GSK3A: variants seen among roughly 807,000 people sequenced by gnomAD.
GSK3A encodes the protein glycogen synthase kinase 3 alpha.
A neutral mutation model predicts 56.6 loss-of-function variants in GSK3A; 14 were observed. That is an observed-to-expected ratio of 0.25 (90% CI 0.16 to 0.39). GSK3A has a LOEUF of 0.39. Ranked by LOEUF, GSK3A falls within the 10% of genes least tolerant of loss-of-function variation. The pLI, the probability that GSK3A is intolerant of heterozygous loss-of-function variation, is 1.00. For synonymous variants in GSK3A, 301 were observed against 285.0 expected, an observed-to-expected ratio of 1.06 and a Z score of -0.56; for missense variants, 450 against 656.0, an observed-to-expected ratio of 0.69 and a Z score of 3.43.
intron 2 of GSK3A, among the ~76,000 whole-genome samples, chr19:42,238,065 A>G (rs1217224124): frequency 6.6e-6 from 1 of 150,902 alleles, no homozygotes; most frequent in Non-Finnish European, 1.5e-5. Context: ...AATAAAATAA[A>G]AAACAGCTGG....
chr19:42,236,702 G>A lies in GSK3A; in HGVS notation c.570C>T (p.Tyr190=). 1 of 1,613,586 alleles carries A rather than the reference G, an allele frequency of 6.2e-7. No individual in the cohort carries two copies. Among genetic ancestry groups the A allele is most frequent in the Non-Finnish European group, 8.5e-7 (1 of 1,179,540 alleles). The change falls in exon 4 of 11, where the codon TAC becomes TAT. Residue 190 remains tyrosine, a synonymous_variant. Transcript: ENST00000222330. ...GCACATATTCCAGCACCAGATTTAG[G>A]TAAAGCTCGTCTTTCTGCAGGGAGC... ...YSSGEKKDEL[Y]LNLVLEYVPE...
chr19:42,240,188 C>T (rs761572119), intron 1 of GSK3A, 46 bp from the exon 2 acceptor site: 30 of 1,537,996 alleles, frequency 2.0e-5, no homozygotes, highest in African/African-American at 4.1e-5. Flanking sequence ...ATCCTGCCTG[C>T]GCATCACCCT....
rs143355037 is a variant in GSK3A, at chr19:42,231,476, C to A, written c.1378+581G>T. ...AATCTGAATTTTTACATAAAATAGC[C>A]CCATTTTTAAACGTGGACACCATGG... On this transcript the variant is annotated intron_variant, in intron 10 of 10. Transcript: ENST00000222330. Among the ~76,000 whole-genome samples, 882 of 152,020 alleles carry A rather than the reference C, an allele frequency of 5.8e-3. 9 individuals are homozygous for A. The highest frequency in any genetic ancestry group is 0.02 in the African/African-American group (826 of 41,466).
intron 2 of GSK3A, among the ~76,000 whole-genome samples, chr19:42,238,818 A>C (rs2036274419): frequency 6.6e-6 from 1 of 151,844 alleles, no homozygotes; most frequent in African/African-American, 2.4e-5. Context: ...AAAAAAAAAA[A>C]ATTAGCCAGG....
chr19:42,233,576 C>T (rs571425187), intron 6 of GSK3A, among the ~76,000 whole-genome samples, 193 bp from the exon 7 acceptor site: 1 of 152,290 alleles, frequency 6.6e-6, no homozygotes, highest in East Asian at 1.9e-4. Flanking sequence ...ACTCTCTAGT[C>T]TAGGTGTGTT....
intron 8 of GSK3A, 74 bp downstream of exon 8, chr19:42,233,036 G>T: frequency 1.1e-6 from 1 of 916,032 alleles, no homozygotes; most frequent in Non-Finnish European, 1.7e-6. Context: ...CTGAGGCTAG[G>T]TCCACAGAAC....
intron 1 of GSK3A, chr19:42,241,178 G>T (rs769460008): frequency 6.6e-6 from 1 of 151,950 alleles, no homozygotes; most frequent in Non-Finnish European, 1.5e-5. Flanking sequence ...TATATTTTTA[G>T]TAGAGACAGG....
rs1247437897 is a variant in GSK3A, at chr19:42,236,793, G to C, written c.555+65C>G. ...GGAAGGAAGGTATGCAGGGAGCAGTGGGGGAAAGGCAGGCAGGCAGGAAAA... is the reference window on the plus strand; with the variant it reads ...GGAAGGAAGGTATGCAGGGAGCAGTCGGGGAAAGGCAGGCAGGCAGGAAAA... On this transcript the variant is annotated intron_variant, in intron 3 of 10. Transcript: ENST00000222330. The C allele has an allele frequency of 1.1e-5, 16 of 1,484,842 alleles. No individual in the cohort carries two copies. The East Asian group carries it at 2.9e-4, about 27-fold the overall frequency. 92.0% of individuals were successfully genotyped at this position (1,484,842 alleles called of 1,614,324 possible). A position where few individuals can be genotyped will look rare whatever the true frequency, so the allele number is the denominator to read the frequency against.
chr19:42,237,024 C>T (rs1045579380), intron 2 of GSK3A, 83 bp from the exon 3 acceptor site: 1 of 909,760 alleles, frequency 1.1e-6, no homozygotes, highest in Non-Finnish European at 1.8e-6. Context: ...CAACAACAGC[C>T]AGGCAGCTAC....
chr19:42,241,947 G>C (rs536478749), intron 1 of GSK3A: 1 of 390,140 alleles, frequency 2.6e-6, no homozygotes, highest in Non-Finnish European at 4.5e-6. Context: ...TGGAAGAACA[G>C]AGACTTGTAA....
chr19:42,233,701 T>C (rs186478740), intron 6 of GSK3A, among the ~76,000 whole-genome samples: 2 of 152,264 alleles, frequency 1.3e-5, no homozygotes, highest in African/African-American at 4.8e-5. Context: ...CCATGTTCTT[T>C]GGGCCACAGG....
Position 42,233,217 on chromosome 19 carries a change from G to C in GSK3A, c.1003-12C>G, listed in dbSNP as rs760170493. 2 of 1,601,464 alleles carry C rather than the reference G, an allele frequency of 1.2e-6. No individual in the cohort carries two copies. The highest frequency in any genetic ancestry group is 2.2e-5 in the South Asian group (2 of 89,644). On this transcript the variant is annotated splice_polypyrimidine_tract_variant and intron_variant, in intron 7 of 10. Coordinates refer to ENST00000222330, the MANE Select transcript of GSK3A (RefSeq NM_019884.3). ...GGTGTTCCCAGCACCTGTAAAGAGAGGGAGGGGTCTGAGACAAGGGCCCCA... is the reference window on the plus strand; with the variant it reads ...GGTGTTCCCAGCACCTGTAAAGAGACGGAGGGGTCTGAGACAAGGGCCCCA...
rs577294016 is a variant in GSK3A, at chr19:42,234,696, T to C, written c.667-18A>G. 6.5e-7 allele frequency: 1 copy of C among 1,548,796 alleles called. No homozygotes were observed. The highest frequency in any genetic ancestry group is 1.2e-5 in the South Asian group (1 of 84,506). ...ATGTACACCTGCGGCGGGCACAGGA[T>C]AGCAGAACTTTAGCCCAGCTTTCCC... On this transcript the variant is annotated intron_variant, in intron 4 of 10. Transcript: ENST00000222330. The surrounding 1 kb of genome is among the most constrained non-coding windows in gnomAD (Gnocchi z 5.7).
intron 7 of GSK3A, 36 bp downstream of exon 7, chr19:42,233,250 G>GCCCCACCCCCAGGCCCCCCCCCCCCCCCC: frequency 6.4e-7 from 1 of 1,564,990 alleles, no homozygotes; most frequent in Non-Finnish European, 8.8e-7. Context: ...CCATCCCTCA[G>GCCCCACCCCCAGGCCCCCCCCCCCCCCCC]CCCCACCCCC....
At position 42,233,358 on chromosome 19, in the gene GSK3A, C is replaced by T. The variant is rs1157306750; in HGVS notation, c.930G>A (p.Leu310=). ...TGGGCTGGCCCAAGAGGAGCTCTGC[C>T]AGTACACAGCCAGCTGACCAAACAT... ...SIDVWSAGCV[L]AELLLGQPIF... The change falls in exon 7 of 11, where the codon CTG becomes CTA. Residue 310 remains leucine, a synonymous_variant. Transcript: ENST00000222330. 6.3e-7 allele frequency: 1 copy of T among 1,583,866 alleles called. No individual in the cohort carries two copies. Among genetic ancestry groups the T allele is most frequent in the Non-Finnish European group, 8.6e-7 (1 of 1,163,420 alleles).
Position 42,234,585 on chromosome 19 carries a change from G to A in GSK3A, c.760C>T (p.Pro254Ser), listed in dbSNP as rs1157501093. Residue 254 changes from proline to serine, a missense_variant, in exon 5 of 11, where the codon CCT (proline) becomes TCT (serine). Physicochemically the swap from Pro to Ser is moderately conservative, Grantham distance 74. Around this residue, in one of 3 missense-constraint regions of GSK3A, gnomAD observed 144 missense variants for 308.0 expected, o/e 0.47. Transcript: ENST00000222330. This position sits in a 1 kb window ranked among gnomAD's most constrained non-coding sequence, Gnocchi z 5.7. ...CAGAGCTTGAGGACAGCAGTGTCAG[G>A]GTCCACCAGCAGGTTCTGGGGCTTG... ...DIKPQNLLVD[P>S]DTAVLKLCDF... 6.2e-7 allele frequency: 1 copy of A among 1,614,026 alleles called. No individual in the cohort carries two copies. The highest frequency in any genetic ancestry group is 2.2e-5 in the East Asian group (1 of 44,876).
chr19:42,233,006 A>G, intron 8 of GSK3A, 104 bp downstream of exon 8: 1 of 758,216 alleles, frequency 1.3e-6, no homozygotes, highest in Non-Finnish European at 2.2e-6. Context: ...TAACTCTTCA[A>G]ATCCTCCCAA....
intron 1 of GSK3A, 82 bp downstream of exon 1, chr19:42,242,099 TAA>T: frequency 8.4e-7 from 1 of 1,197,244 alleles, no homozygotes; most frequent in Non-Finnish European, 1.1e-6. Flanking sequence ...AGCTCCTATC[TAA>T]GCACATGAAA....
chr19:42,236,971 C>A, intron 2 of GSK3A, 30 bp from the exon 3 acceptor site: 1 of 1,471,704 alleles, frequency 6.8e-7, no homozygotes, highest in Non-Finnish European at 9.5e-7. Context: ...TCTCAGAATA[C>A]AACCAACTCT....
Sources: gnomAD v4.1 joint callset for allele counts (sites outside exome capture counted in the v4.1 genomes callset) on GRCh38, gnomAD v4.1.1 for gene constraint, gnomAD v4.1.1 regional missense constraint, Gnocchi (gnomAD v3.1) non-coding constraint, MANE v1.5 for transcripts, NCBI Gene and HGNC (gene_info 2026-07-23, HGNC 2026-07-21) for gene names.